NKAIN2: variants seen among roughly 807,000 people sequenced by gnomAD.
The protein encoded by NKAIN2 is sodium/potassium-transporting ATPase subunit beta-1-interacting protein 2.
Under a neutral mutation model 32.6 loss-of-function variants are expected in NKAIN2, and 14 were observed. The observed-to-expected ratio is 0.43, with a 90% CI of 0.28 to 0.67. The LOEUF is 0.67. Among genes scored for constraint, NKAIN2 ranks in the 30% least tolerant of loss-of-function variants. NKAIN2 has a pLI of 0.17. For missense variants in NKAIN2, 198 were observed against 258.3 expected, an observed-to-expected ratio of 0.77 and a Z score of 1.60; for synonymous variants, 80 against 87.2, an observed-to-expected ratio of 0.92 and a Z score of 0.46.
chr6:123,983,742 TA>T (rs1779006764), intron 1 of NKAIN2, among the ~76,000 whole-genome samples: 3 of 79,908 alleles, frequency 3.8e-5, no homozygotes, highest in African/African-American at 1.4e-4. Context: ...GGTATATATA[TA>T]TATTTTTTTT....
intron 3 of NKAIN2, among the ~76,000 whole-genome samples, chr6:124,586,652 T>C (rs1294387664): frequency 6.6e-6 from 1 of 151,358 alleles, no homozygotes; most frequent in African/African-American, 2.4e-5. Context: ...AAAAGTTCAG[T>C]ACATAGCTAC....
chr6:123,876,617 T>TGAA (rs1161379345), intron 1 of NKAIN2, among the ~76,000 whole-genome samples: 2 of 152,184 alleles, frequency 1.3e-5, no homozygotes, highest in Non-Finnish European at 2.9e-5. Context: ...AGTGCCAGTC[T>TGAA]GAAGGCCTGA....
intron 1 of NKAIN2, among the ~76,000 whole-genome samples, chr6:123,908,709 C>T (rs1775013023): frequency 6.6e-6 from 1 of 152,138 alleles, no homozygotes; most frequent in Non-Finnish European, 1.5e-5. Flanking sequence ...GTTTATCTGA[C>T]TCATGTAGTT....
At chr6:124,475,096 A>C (rs1777146499) in intron 3 of NKAIN2, among the ~76,000 whole-genome samples, 1 of 151,860 alleles carries the variant, frequency 6.6e-6, no homozygotes, top group East Asian at 1.9e-4. Context: ...AACTAAGAGG[A>C]GTTCTTTGAA....
intron 3 of NKAIN2, among the ~76,000 whole-genome samples, chr6:124,372,490 A>G (rs1248406862): frequency 6.6e-6 from 1 of 152,290 alleles, no homozygotes; most frequent in East Asian, 1.9e-4. Flanking sequence ...TGCTGTTCTC[A>G]GGATTTTTAT....
intron 1 of NKAIN2, among the ~76,000 whole-genome samples, chr6:123,833,475 A>T (rs1422879455): frequency 1.4e-4 from 22 of 152,016 alleles, no homozygotes; most frequent in Admixed American, 1.4e-3. Context: ...AGTTTCTGGG[A>T]TTTTGATTTA....
chr6:124,322,146 G>T (rs1485398593), intron 2 of NKAIN2, among the ~76,000 whole-genome samples: 2 of 152,058 alleles, frequency 1.3e-5, no homozygotes, highest in East Asian at 3.9e-4. Context: ...ACCAGATTTA[G>T]TAGAATATAC....
At chr6:124,536,145 TG>T (rs999732793) in intron 3 of NKAIN2, among the ~76,000 whole-genome samples, 5 of 152,182 alleles carry the variant, frequency 3.3e-5, no homozygotes, top group African/African-American at 1.2e-4. Flanking sequence ...TAATGACTAT[TG>T]AACACAAGAA....
chr6:124,069,842 C>T (rs539132078), intron 1 of NKAIN2, among the ~76,000 whole-genome samples: 13 of 152,264 alleles, frequency 8.5e-5, no homozygotes, highest in Admixed American at 7.2e-4. Flanking sequence ...GGAATTTATG[C>T]CAAATTCCAG....
chr6:124,410,643 G>T (rs529517913), intron 3 of NKAIN2, among the ~76,000 whole-genome samples: 2 of 152,130 alleles, frequency 1.3e-5, no homozygotes, highest in African/African-American at 4.8e-5. Context: ...GAATACATGT[G>T]GTGTGGTGCT....
intron 1 of NKAIN2, among the ~76,000 whole-genome samples, chr6:123,888,250 C>T (rs1247429041): frequency 6.6e-6 from 1 of 152,054 alleles, no homozygotes; most frequent in Non-Finnish European, 1.5e-5. Context: ...GGCACCATAT[C>T]ACATGAGTTC....
At chr6:124,338,096 C>T (rs550662139) in intron 2 of NKAIN2, among the ~76,000 whole-genome samples, 1 of 152,266 alleles carries the variant, frequency 6.6e-6, no homozygotes, top group East Asian at 1.9e-4. Flanking sequence ...AAGGACTCAA[C>T]ACTTTTAGCT....
intron 3 of NKAIN2, among the ~76,000 whole-genome samples, chr6:124,497,846 G>C (rs200177605): frequency 6.7e-5 from 5 of 74,398 alleles, no homozygotes; most frequent in Non-Finnish European, 1.4e-4. Flanking sequence ...AAAAAAAAAA[G>C]ACAAAAAGAT....
At chr6:124,402,208 A>G (rs332607) in intron 3 of NKAIN2, among the ~76,000 whole-genome samples, 111,413 of 152,010 alleles carry the variant, frequency 0.73, 41,619 homozygotes, top group African/African-American at 0.87. Context: ...CACTGCTGTT[A>G]AGAAACCTGG....
intron 3 of NKAIN2, among the ~76,000 whole-genome samples, chr6:124,553,737 G>A (rs762092362): frequency 9.2e-5 from 14 of 152,168 alleles, no homozygotes; most frequent in Non-Finnish European, 1.8e-4. Context: ...ATACAGCAGC[G>A]TTTAATTGAA....
At chr6:124,446,349 GT>G (rs1775892384) in intron 3 of NKAIN2, among the ~76,000 whole-genome samples, 1 of 151,792 alleles carries the variant, frequency 6.6e-6, no homozygotes, top group Non-Finnish European at 1.5e-5. Flanking sequence ...TTGTTTGTTT[GT>G]TTGTTTGTTT....
chr6:124,734,934 A>G (rs1230152520), intron 4 of NKAIN2, among the ~76,000 whole-genome samples: 2 of 151,926 alleles, frequency 1.3e-5, no homozygotes, highest in Non-Finnish European at 1.5e-5. Context: ...GGTGTATTTA[A>G]AATATCTGCA....
intron 2 of NKAIN2, among the ~76,000 whole-genome samples, chr6:124,285,660 G>A (rs1293571660): frequency 3.3e-5 from 5 of 151,984 alleles, no homozygotes; most frequent in African/African-American, 9.7e-5. Context: ...TGTAACTTCT[G>A]TGCAACAAAC....
chr6:124,748,734 T>C (rs1777572336), intron 4 of NKAIN2, among the ~76,000 whole-genome samples: 1 of 151,920 alleles, frequency 6.6e-6, no homozygotes, highest in African/African-American at 2.4e-5. Flanking sequence ...TATCTGTGGG[T>C]TTCTCTAGTT....
Sources: allele counts gnomAD v4.1 joint callset (sites outside exome capture counted in the v4.1 genomes callset), GRCh38; gene constraint gnomAD v4.1.1; transcripts MANE v1.5; gene names NCBI Gene and HGNC (gene_info 2026-07-23, HGNC 2026-07-21).